Variants in KCNQ5 observed in about 807,000 individuals in gnomAD.
KCNQ5 encodes potassium voltage-gated channel subfamily KQT member 5.
Under a neutral mutation model 98.2 loss-of-function variants are expected in KCNQ5, and 30 were observed. That is an observed-to-expected ratio of 0.31 (90% CI 0.23 to 0.41). The LOEUF (loss-of-function observed/expected upper bound fraction) is 0.41. Ranked by LOEUF, KCNQ5 falls within the 10% of genes least tolerant of loss-of-function variation. The pLI is 1.00. For missense variants in KCNQ5, 835 were observed against 1,182.5 expected (o/e 0.71, Z 4.31); for synonymous variants, 458 against 449.4 (o/e 1.02, Z -0.24).
chr6:73,049,232 T>G (rs1484832608), intron 3 of KCNQ5, among the ~76,000 whole-genome samples: 1 of 152,234 alleles, frequency 6.6e-6, no homozygotes, highest in Non-Finnish European at 1.5e-5. Context: ...ACGTGGATAA[T>G]GTACTGTGCA....
At chr6:73,066,092 G>A (rs1773044988) in intron 3 of KCNQ5, among the ~76,000 whole-genome samples, 1 of 152,214 alleles carries the variant, frequency 6.6e-6, no homozygotes, top group African/African-American at 2.4e-5. Flanking sequence ...GTTGCAGTGA[G>A]CTGAGATCAT....
At chr6:72,966,691 G>A (rs554707514) in intron 1 of KCNQ5, among the ~76,000 whole-genome samples, 2 of 152,326 alleles carry the variant, frequency 1.3e-5, no homozygotes, top group East Asian at 3.9e-4. Context: ...TATGGAAACA[G>A]AAACATGGGT....
At chr6:73,192,890 A>T (rs1765644746) in intron 13 of KCNQ5, among the ~76,000 whole-genome samples, 199 bp downstream of exon 13, 2 of 152,172 alleles carry the variant, frequency 1.3e-5, no homozygotes, top group African/African-American at 4.8e-5. Flanking sequence ...AGAAAATCTC[A>T]TCTCATCAAT....
At chr6:72,697,027 C>T (rs1768540078) in intron 1 of KCNQ5, among the ~76,000 whole-genome samples, 1 of 152,144 alleles carries the variant, frequency 6.6e-6, no homozygotes. Context: ...TCTTTAATTT[C>T]ATATCTTGTC....
chr6:72,776,290 A>T (rs968921006), intron 1 of KCNQ5, among the ~76,000 whole-genome samples: 1 of 152,228 alleles, frequency 6.6e-6, no homozygotes, highest in African/African-American at 2.4e-5. Flanking sequence ...TTTATAATGT[A>T]GGAATTATTC....
chr6:72,744,457 A>G (rs751464516), intron 1 of KCNQ5, among the ~76,000 whole-genome samples: 1 of 152,134 alleles, frequency 6.6e-6, no homozygotes, highest in Non-Finnish European at 1.5e-5. Context: ...TTTTCACAAT[A>G]TATGTACTAT....
chr6:73,188,839 C>T (rs573195155), intron 11 of KCNQ5, among the ~76,000 whole-genome samples: 3 of 151,914 alleles, frequency 2.0e-5, no homozygotes, highest in Non-Finnish European at 4.4e-5. Context: ...AAAAAATTAG[C>T]AGGTATGGTG....
At chr6:73,138,983 C>A (rs982948953) in intron 10 of KCNQ5, among the ~76,000 whole-genome samples, 1 of 152,210 alleles carries the variant, frequency 6.6e-6, no homozygotes, top group Admixed American at 6.5e-5. Context: ...TATAATACCA[C>A]ATAGAAAGAG....
intron 10 of KCNQ5, among the ~76,000 whole-genome samples, chr6:73,160,675 A>C (rs945746073): frequency 1.3e-5 from 2 of 152,222 alleles, no homozygotes; most frequent in Non-Finnish European, 2.9e-5. Context: ...AGCAGCACCA[A>C]GGAACACAGG....
intron 5 of KCNQ5, among the ~76,000 whole-genome samples, chr6:73,083,096 G>A (rs1028438241): frequency 1.3e-5 from 2 of 152,046 alleles, no homozygotes; most frequent in African/African-American, 4.8e-5. Context: ...GTCTCACCAT[G>A]TTGCCCAGGC....
intron 3 of KCNQ5, among the ~76,000 whole-genome samples, chr6:73,044,820 G>A (rs1771889558): frequency 6.6e-6 from 1 of 152,152 alleles, no homozygotes; most frequent in Non-Finnish European, 1.5e-5. Context: ...TGGAAATATA[G>A]CTAAAACCTC....
At chr6:72,731,467 A>T (rs1239732715) in intron 1 of KCNQ5, among the ~76,000 whole-genome samples, 1 of 152,266 alleles carries the variant, frequency 6.6e-6, no homozygotes, top group Admixed American at 6.5e-5. Context: ...GGGTATAGGC[A>T]TTCCAACACT....
At chr6:72,920,863 A>G (rs1780360518) in intron 1 of KCNQ5, among the ~76,000 whole-genome samples, 1 of 152,132 alleles carries the variant, frequency 6.6e-6, no homozygotes, top group Non-Finnish European at 1.5e-5. Flanking sequence ...TCTGGCTTCA[A>G]TAGATGTAAT....
chr6:72,890,725 A>G (rs1224650572), intron 1 of KCNQ5, among the ~76,000 whole-genome samples: 1 of 152,242 alleles, frequency 6.6e-6, no homozygotes, highest in Non-Finnish European at 1.5e-5. Context: ...TCTTAACTAA[A>G]AGTAAAGTGG....
chr6:72,798,615 G>A (rs1774469476), intron 1 of KCNQ5, among the ~76,000 whole-genome samples: 1 of 152,104 alleles, frequency 6.6e-6, no homozygotes, highest in Non-Finnish European at 1.5e-5. Flanking sequence ...AAATCACCCA[G>A]TCTCAGGTAT....
At chr6:73,133,678 T>G (rs774188517) in intron 10 of KCNQ5, 37 bp downstream of exon 10, 4 of 1,546,836 alleles carry the variant, frequency 2.6e-6, no homozygotes, top group Non-Finnish European at 3.6e-6. Flanking sequence ...TTTAATTGGA[T>G]AGGCTATAGT....
chr6:72,982,817 G>C (rs749324978), intron 1 of KCNQ5, among the ~76,000 whole-genome samples: 52 of 152,152 alleles, frequency 3.4e-4, no homozygotes, highest in Non-Finnish European at 2.4e-4. Context: ...ACCGGTTGTT[G>C]CTTTCCATGT....
chr6:72,773,701 A>T (rs1176186348), intron 1 of KCNQ5, among the ~76,000 whole-genome samples: 1 of 152,060 alleles, frequency 6.6e-6, no homozygotes, highest in Admixed American at 6.5e-5. Context: ...CATTCTTTTC[A>T]TACCTGAAAA....
intron 1 of KCNQ5, among the ~76,000 whole-genome samples, chr6:72,658,497 T>A (rs1219109191): frequency 6.8e-6 from 1 of 146,124 alleles, no homozygotes; most frequent in East Asian, 2.0e-4. Flanking sequence ...GCCAGGCTGG[T>A]CCCAAACTCC....
Sources: allele counts gnomAD v4.1 joint callset (sites outside exome capture counted in the v4.1 genomes callset), GRCh38; gene constraint gnomAD v4.1.1; transcripts MANE v1.5; gene names NCBI Gene and HGNC (gene_info 2026-07-23, HGNC 2026-07-21).